RPTOR: variants seen among roughly 807,000 people sequenced by gnomAD.
The protein encoded by RPTOR is regulatory associated protein of MTOR complex 1, also known as regulatory-associated protein of mTOR.
A neutral mutation model predicts 169.9 loss-of-function variants in RPTOR; 21 were observed. That is an observed-to-expected ratio of 0.12 (90% confidence interval 0.09 to 0.18). RPTOR has a LOEUF of 0.18. Among genes scored for constraint, RPTOR ranks in the 10% least tolerant of loss-of-function variants. RPTOR has a pLI of 1.00. For missense variants in RPTOR, 1,133 were observed against 1,855.9 expected, an observed-to-expected ratio of 0.61 and a Z score of 7.16; for synonymous variants, 732 against 753.2, an observed-to-expected ratio of 0.97 and a Z score of 0.46.
intron 1 of RPTOR, among the ~76,000 whole-genome samples, chr17:80,574,667 T>C (rs2064944088): frequency 6.6e-6 from 1 of 151,982 alleles, no homozygotes; most frequent in African/African-American, 2.4e-5. Flanking sequence ...TTTGTTGTTG[T>C]TTTTTTGAGA....
Position 80,700,063 on chromosome 17 carries a change from A to G in RPTOR, c.349-7778A>G, listed in dbSNP as rs1345111013. Among the ~76,000 whole-genome samples the G allele has an allele frequency of 3.3e-5, 5 of 152,178 alleles. No individual in the cohort carries two copies. The South Asian group carries it at 8.3e-4, about 25-fold the overall frequency. On this transcript the variant is annotated intron_variant, in intron 3 of 33. Transcript: ENST00000306801. ...GACCAGGCAAGACTTGGAATAGGAC[A>G]TGGAGAAAAGGTAGGAAGAAGGTTC...
At chr17:80,889,667 CGT>C (rs1185213810) in intron 17 of RPTOR, among the ~76,000 whole-genome samples, 1 of 152,180 alleles carries the variant, frequency 6.6e-6, no homozygotes, top group Admixed American at 6.5e-5. Context: ...AAGGCCAGTG[CGT>C]GTGTGTGTTG....
At chr17:80,961,661 G>A in intron 31 of RPTOR, 181 bp downstream of exon 31, 4 of 682,162 alleles carry the variant, frequency 5.9e-6, no homozygotes, top group Non-Finnish European at 9.4e-6. Context: ...AGGGGCCACA[G>A]CTGCTCCCCT....
At chr17:80,603,087 G>A (rs2065202539) in intron 1 of RPTOR, among the ~76,000 whole-genome samples, 1 of 152,140 alleles carries the variant, frequency 6.6e-6, no homozygotes, top group Admixed American at 6.5e-5. Context: ...ATGGTGGCTG[G>A]ATTTGGCGCC....
At chr17:80,851,288 C>T (rs2067791038) in intron 11 of RPTOR, among the ~76,000 whole-genome samples, 1 of 152,196 alleles carries the variant, frequency 6.6e-6, no homozygotes. Context: ...GTAACTCATT[C>T]AGCTCACCAT....
At chr17:80,636,677 T>C (rs1006156749) in intron 2 of RPTOR, among the ~76,000 whole-genome samples, 2 of 152,088 alleles carry the variant, frequency 1.3e-5, no homozygotes, top group Non-Finnish European at 2.9e-5. Context: ...ATTCAGAACA[T>C]AGCACTAGCC....
chr17:80,812,537 C>T (rs550221455), intron 7 of RPTOR, among the ~76,000 whole-genome samples: 1 of 152,108 alleles, frequency 6.6e-6, no homozygotes, highest in South Asian at 2.1e-4. Context: ...CTGTTGTTCC[C>T]CAGCCCCATG....
intron 29 of RPTOR, among the ~76,000 whole-genome samples, chr17:80,958,057 T>G (rs113711886): frequency 0.01 from 1,597 of 152,112 alleles, 20 homozygotes; most frequent in African/African-American, 0.032. Flanking sequence ...TTAGAATGAT[T>G]AATTATTTGG....
intron 1 of RPTOR, among the ~76,000 whole-genome samples, chr17:80,551,799 C>G (rs938636749): frequency 1.3e-5 from 2 of 152,094 alleles, no homozygotes; most frequent in Non-Finnish European, 2.9e-5. Context: ...TCCCTTCCCA[C>G]GAGGCCATAT....
intron 2 of RPTOR, among the ~76,000 whole-genome samples, chr17:80,634,196 G>A: frequency 7.3e-6 from 1 of 137,666 alleles, no homozygotes; most frequent in Non-Finnish European, 1.6e-5. Context: ...TACTGTGTGT[G>A]CATACTGTGT....
At chr17:80,629,629 C>T (rs1454657614) in intron 2 of RPTOR, among the ~76,000 whole-genome samples, 1 of 150,980 alleles carries the variant, frequency 6.6e-6, no homozygotes, top group Non-Finnish European at 1.5e-5. Context: ...CGTTGTTGGA[C>T]ATTGTACCGC....
chr17:80,937,218 G>A (rs918978362), intron 24 of RPTOR, among the ~76,000 whole-genome samples: 6 of 152,140 alleles, frequency 3.9e-5, no homozygotes, highest in African/African-American at 1.4e-4. Flanking sequence ...TTTCCCATGG[G>A]TGCCTCTCCC....
intron 27 of RPTOR, among the ~76,000 whole-genome samples, chr17:80,948,874 G>A (rs2069136829): frequency 1.3e-5 from 2 of 152,182 alleles, no homozygotes; most frequent in African/African-American, 2.4e-5. Context: ...AAGCCCTGAA[G>A]AGCAGGGCAG....
intron 24 of RPTOR, 194 bp from the exon 25 acceptor site, chr17:80,940,302 G>A (rs1372745067): frequency 7.6e-6 from 4 of 524,352 alleles, no homozygotes; most frequent in African/African-American, 2.0e-5. Flanking sequence ...CGGGTATGGC[G>A]GGCAAGCTAG....
intron 7 of RPTOR, among the ~76,000 whole-genome samples, chr17:80,813,857 G>A (rs1277588739): frequency 2.6e-5 from 4 of 152,110 alleles, no homozygotes; most frequent in East Asian, 1.9e-4. Context: ...GTTTTGACTC[G>A]GTACGGTGGC....
chr17:80,893,692 T>C lies in RPTOR; in HGVS notation c.2243-15T>C, dbSNP rs370260210. On this transcript the variant is annotated splice_polypyrimidine_tract_variant and intron_variant, in intron 19 of 33. Transcript: ENST00000306801. ...TCCCGGGAGCACCCCACTGACCCCG[T>C]TGCGTCTCGGGCAGCTGGTGGCGCG... 109 of 1,606,882 alleles carry C rather than the reference T, an allele frequency of 6.8e-5. No individual in the cohort carries two copies. The highest frequency in any genetic ancestry group is 8.7e-5 in the Non-Finnish European group (102 of 1,176,490).
At chr17:80,669,662 C>T (rs916870054) in intron 3 of RPTOR, among the ~76,000 whole-genome samples, 10 of 152,210 alleles carry the variant, frequency 6.6e-5, no homozygotes, top group Non-Finnish European at 1.3e-4. Flanking sequence ...GGATTACAGG[C>T]GTGCGCCACC....
intron 13 of RPTOR, among the ~76,000 whole-genome samples, chr17:80,868,381 T>C (rs2068016182): frequency 6.6e-6 from 1 of 152,128 alleles, no homozygotes; most frequent in South Asian, 2.1e-4. Context: ...CACAGTCTTA[T>C]ACCACTGCAC....
At chr17:80,634,582 TGC>T (rs2065481713) in intron 2 of RPTOR, among the ~76,000 whole-genome samples, 1 of 69,666 alleles carries the variant, frequency 1.4e-5, no homozygotes, top group Non-Finnish European at 3.0e-5. Context: ...TGTGTGTGTG[TGC>T]GTACTGTGTG....
Sources: allele counts gnomAD v4.1 joint callset (sites outside exome capture counted in the v4.1 genomes callset), GRCh38; gene constraint gnomAD v4.1.1; transcripts MANE v1.5; gene names NCBI Gene and HGNC (gene_info 2026-07-23, HGNC 2026-07-21).